RIOK2: variants seen among roughly 807,000 people sequenced by gnomAD.
RIOK2 encodes the protein serine/threonine-protein kinase RIO2.
In RIOK2, 46 loss-of-function variants were observed where a neutral mutation model predicts 62.4. The ratio of observed to expected loss-of-function variants is 0.74; its 90% CI spans 0.58 to 0.94. The LOEUF is 0.94. RIOK2 is among the 40% of genes least tolerant of loss of function. RIOK2 has a pLI of 0.00. For synonymous variants in RIOK2, 197 were observed against 216.0 expected (o/e 0.91, Z 0.77); for missense variants, 574 against 658.0 (o/e 0.87, Z 1.40).
At chr5:97,177,077 T>G (rs750995077) in intron 4 of RIOK2, 39 bp downstream of exon 4, 2 of 1,556,216 alleles carry the variant, frequency 1.3e-6, no homozygotes, top group Admixed American at 1.7e-5. Flanking sequence ...CATGTATTAT[T>G]TGGCTAAAAA....
chr5:97,163,365 T>C (rs1313674112), intron 9 of RIOK2, 140 bp from the exon 10 acceptor site: 2 of 704,632 alleles, frequency 2.8e-6, no homozygotes, highest in Non-Finnish European at 4.7e-6. Context: ...AACTGTTATA[T>C]AGGAGAAATT....
chr5:97,178,990 G>T lies in RIOK2; in HGVS notation c.205+65C>A, dbSNP rs78455912. 730 of 1,590,116 alleles carry T rather than the reference G, an allele frequency of 4.6e-4. 6 individuals are homozygous for T. In the African/African-American group the frequency reaches 8.7e-3, roughly 19 times the overall value. ...TGGCAACTTCTACTTCTTGACTTTT[G>T]GAACACTTGCTCTGGTGGAAACCAA... On this transcript the variant is annotated intron_variant, in intron 2 of 9. Transcript: ENST00000283109.
At chr5:97,178,200 T>C (rs575808069) in intron 2 of RIOK2, among the ~76,000 whole-genome samples, 1 of 152,386 alleles carries the variant, frequency 6.6e-6, no homozygotes, top group Admixed American at 6.5e-5. Context: ...AAAGTAAGGA[T>C]CTGTGATAGG....
At chr5:97,174,948 C>A (rs1749123521) in intron 4 of RIOK2, among the ~76,000 whole-genome samples, 1 of 151,924 alleles carries the variant, frequency 6.6e-6, no homozygotes, top group Non-Finnish European at 1.5e-5. Context: ...ATCCTAGATA[C>A]TTGGGAGGCT....
intron 4 of RIOK2, 176 bp downstream of exon 4, chr5:97,176,940 A>G (rs1209280305): frequency 5.2e-6 from 3 of 576,154 alleles, no homozygotes; most frequent in Non-Finnish European, 9.0e-6. Flanking sequence ...GTAGAAGGAA[A>G]TCACTTAAAA....
chr5:97,177,948 A>T (rs1457372842), intron 2 of RIOK2, 100 bp from the exon 3 acceptor site: 1 of 734,882 alleles, frequency 1.4e-6, no homozygotes, highest in African/African-American at 1.8e-5. Flanking sequence ...TAAAGTCTTC[A>T]TTGGAAAAAG....
At position 97,179,051 on chromosome 5, in the gene RIOK2, T is replaced by C; in HGVS notation, c.205+4A>G. On this transcript the variant is annotated splice_donor_region_variant and intron_variant, in intron 2 of 9. Transcript: ENST00000283109. ...AATCACAAATGGTGCCTCAAAATAC[T>C]TACTTTTGGTACGCTCCCAAGCTAT... The C allele has an allele frequency of 6.2e-7, 1 of 1,613,814 alleles. No homozygotes were observed. Among genetic ancestry groups the C allele is most frequent in the Non-Finnish European group, 8.5e-7 (1 of 1,179,882 alleles).
chr5:97,182,881 G>A (rs1749461647), intron 1 of RIOK2: 2 of 469,102 alleles, frequency 4.3e-6, no homozygotes, highest in Non-Finnish European at 7.9e-6. Context: ...AGCGCAAAGC[G>A]AATAGCAGCA....
In RIOK2 at chr5:97,172,395, C is replaced by T. The variant is rs190019701; in HGVS notation, c.587+780G>A. On this transcript the variant is annotated intron_variant, in intron 5 of 9. Coordinates refer to ENST00000283109, the MANE Select transcript of RIOK2 (RefSeq NM_018343.3). Reference sequence around the variant, plus strand: ...ACTCAGGGGAAAAACCTTGGTGTCACCATTGACTCATCCCTTCCTTCACAT... The same window carrying T: ...ACTCAGGGGAAAAACCTTGGTGTCATCATTGACTCATCCCTTCCTTCACAT... Among the ~76,000 whole-genome samples, 3 of 152,312 alleles carry T rather than the reference C, an allele frequency of 2.0e-5. No individual in the cohort carries two copies. In the East Asian group the frequency reaches 5.8e-4, roughly 29 times the overall value.
chr5:97,173,351 G>GAA, intron 4 of RIOK2, 88 bp from the exon 5 acceptor site: 1 of 748,848 alleles, frequency 1.3e-6, no homozygotes, highest in Non-Finnish European at 2.2e-6. Context: ...TCTACAACCA[G>GAA]AAAAAAAACA....
intron 3 of RIOK2, 44 bp from the exon 4 acceptor site, chr5:97,177,335 C>T: frequency 6.7e-7 from 1 of 1,487,178 alleles, no homozygotes; most frequent in Non-Finnish European, 9.2e-7. Context: ...CACGTTTATT[C>T]CAATCAGTTA....
Position 97,179,116 on chromosome 5 carries a change from G to C in RIOK2, c.144C>G (p.Gly48=). ...IASIASLKHG[G]CNKVLRELVK... The stretch of plus-strand genomic sequence containing the variant: ...CTAATTCTCTTAAAACTTTATTACA[G>C]CCACCATGTTTAAGGCTGGCTATAG... Residue 48 remains glycine (G), a synonymous_variant, in exon 2 of 10, where the codon GGC becomes GGG. Coordinates refer to ENST00000283109, the MANE Select transcript of RIOK2 (RefSeq NM_018343.3). 6.2e-7 allele frequency: 1 copy of C among 1,613,874 alleles called. No individual in the cohort carries two copies. The highest frequency in any genetic ancestry group is 2.2e-5 in the East Asian group (1 of 44,864).
intron 3 of RIOK2, among the ~76,000 whole-genome samples, chr5:97,177,508 A>G (rs943889238): frequency 2.0e-5 from 3 of 152,240 alleles, no homozygotes; most frequent in African/African-American, 4.8e-5. Context: ...GGGAGTTATT[A>G]GAAGAAAATT....
chr5:97,175,456 G>A (rs1580274520), intron 4 of RIOK2, among the ~76,000 whole-genome samples: 2 of 152,154 alleles, frequency 1.3e-5, no homozygotes, highest in East Asian at 3.8e-4. Context: ...ATTAAGGAGT[G>A]CATTTATGTG....
chr5:97,179,291 T>C (rs1580278563), intron 1 of RIOK2, 98 bp from the exon 2 acceptor site: 1 of 1,084,300 alleles, frequency 9.2e-7, no homozygotes, highest in East Asian at 2.5e-5. Context: ...TTCCTGACTA[T>C]GCAGTTCTCC....
rs774842966 is a variant in RIOK2 at position 97,183,240 on chromosome 5, C to T, written c.-49G>A. 19 of 1,601,094 alleles carry T rather than the reference C, an allele frequency of 1.2e-5. No homozygotes were observed. In the South Asian group the frequency reaches 1.9e-4, roughly 16 times the overall value. ...TGCCTCTCCGACGACAGCCGCAAAGCGTAAGGCAGGTCGTTATTCCAGCCT... is the reference window on the plus strand; with the variant it reads ...TGCCTCTCCGACGACAGCCGCAAAGTGTAAGGCAGGTCGTTATTCCAGCCT... On this transcript the variant is annotated 5_prime_UTR_variant, in exon 1 of 10. Transcript: ENST00000283109.
chr5:97,170,516 C>G (rs564005514), intron 6 of RIOK2, among the ~76,000 whole-genome samples: 5 of 152,270 alleles, frequency 3.3e-5, no homozygotes, highest in African/African-American at 1.2e-4. Context: ...AATCATGGAA[C>G]AGCAAGAAAA....
intron 4 of RIOK2, 50 bp from the exon 5 acceptor site, chr5:97,173,313 T>TA: frequency 8.8e-7 from 1 of 1,130,442 alleles, no homozygotes; most frequent in South Asian, 1.3e-5. Context: ...CATTACTCTT[T>TA]AAAGAACAAT....
At chr5:97,182,019 C>T (rs1385819523) in intron 1 of RIOK2, among the ~76,000 whole-genome samples, 1 of 152,198 alleles carries the variant, frequency 6.6e-6, no homozygotes, top group East Asian at 1.9e-4. Context: ...TAACATAATG[C>T]AAGAACCAGT....
Sources: gnomAD v4.1 joint callset for allele counts (sites outside exome capture counted in the v4.1 genomes callset) on GRCh38, gnomAD v4.1.1 for gene constraint, MANE v1.5 for transcripts, NCBI Gene and HGNC (gene_info 2026-07-23, HGNC 2026-07-21) for gene names.